CNKSR3: variants seen among roughly 807,000 people sequenced by gnomAD.
CNKSR3 encodes CNKSR family member 3, also known as connector enhancer of kinase suppressor of ras 3.
A neutral mutation model predicts 67.7 loss-of-function variants in CNKSR3; 36 were observed. The observed-to-expected ratio is 0.53, with a 90% CI of 0.41 to 0.70. The LOEUF is 0.70. Ranked by LOEUF, CNKSR3 falls within the 30% of genes least tolerant of loss-of-function variation. The pLI is 0.00. For synonymous variants in CNKSR3, 281 were observed against 271.4 expected (o/e 1.04, Z -0.35); for missense variants, 630 against 695.2 (o/e 0.91, Z 1.05).
At chr6:154,510,029 T>A (rs546459433) in intron 1 of CNKSR3, 34 bp downstream of exon 1, 1 of 1,613,026 alleles carries the variant, frequency 6.2e-7, no homozygotes, top group South Asian at 1.1e-5. Context: ...TCCCCGAGGC[T>A]GGAGGACTCC....
chr6:154,421,519 T>C (rs893600279), intron 9 of CNKSR3, among the ~76,000 whole-genome samples: 3 of 152,238 alleles, frequency 2.0e-5, no homozygotes, highest in African/African-American at 7.2e-5. Context: ...TCTTGCTTTA[T>C]GAAATAAGCA....
At chr6:154,473,259 G>C (rs892824150) in intron 1 of CNKSR3, among the ~76,000 whole-genome samples, 3 of 152,170 alleles carry the variant, frequency 2.0e-5, no homozygotes, top group Admixed American at 2.0e-4. Flanking sequence ...AGAAAATAAT[G>C]GACAAAGTTA....
intron 1 of CNKSR3, 54 bp downstream of exon 1, chr6:154,510,009 G>A (rs897991028): frequency 5.6e-6 from 9 of 1,596,214 alleles, no homozygotes; most frequent in Non-Finnish European, 7.7e-6. Context: ...CCAGCTCCTC[G>A]TCCGCCCCAT....
At chr6:154,426,584 T>C (rs770355161) in intron 7 of CNKSR3, among the ~76,000 whole-genome samples, 1 of 152,218 alleles carries the variant, frequency 6.6e-6, no homozygotes, top group South Asian at 2.1e-4. Flanking sequence ...CTCGATCTCC[T>C]GACCTTGTGA....
At chr6:154,491,947 A>AG (rs1786791192) in intron 1 of CNKSR3, among the ~76,000 whole-genome samples, 1 of 152,190 alleles carries the variant, frequency 6.6e-6, no homozygotes, top group Admixed American at 6.5e-5. Context: ...GCATTGAGGG[A>AG]GGTGCTTCAC....
intron 5 of CNKSR3, among the ~76,000 whole-genome samples, chr6:154,430,872 A>C (rs1584075736): frequency 6.6e-6 from 1 of 152,076 alleles, no homozygotes; most frequent in East Asian, 1.9e-4. Flanking sequence ...TCAGCAATGA[A>C]GTGGAATCAT....
At chr6:154,453,702 C>T (rs1349844351) in intron 1 of CNKSR3, among the ~76,000 whole-genome samples, 1 of 152,142 alleles carries the variant, frequency 6.6e-6, no homozygotes, top group African/African-American at 2.4e-5. Flanking sequence ...TACAATTAAA[C>T]ATTTATAAAC....
chr6:154,412,707 A>T (rs939732869), intron 10 of CNKSR3, among the ~76,000 whole-genome samples: 1 of 152,226 alleles, frequency 6.6e-6, no homozygotes, highest in African/African-American at 2.4e-5. Flanking sequence ...TCTGCACCCA[A>T]TGCAGAAGAA....
chr6:154,447,705 C>A (rs1363010280), intron 2 of CNKSR3, among the ~76,000 whole-genome samples: 1 of 152,296 alleles, frequency 6.6e-6, no homozygotes, highest in East Asian at 1.9e-4. Context: ...CTCCCCTCCC[C>A]CTTCCTTACT....
At chr6:154,413,057 C>T (rs908361725) in intron 10 of CNKSR3, among the ~76,000 whole-genome samples, 3 of 151,752 alleles carry the variant, frequency 2.0e-5, no homozygotes, top group Non-Finnish European at 4.4e-5. Flanking sequence ...TCATCCTGTA[C>T]ACTCTATATA....
chr6:154,496,334 G>T (rs1014853896), intron 1 of CNKSR3, among the ~76,000 whole-genome samples: 1 of 142,288 alleles, frequency 7.0e-6, no homozygotes, highest in Non-Finnish European at 1.6e-5. Flanking sequence ...GACTTGAGGG[G>T]TCACAACCCT....
intron 1 of CNKSR3, among the ~76,000 whole-genome samples, chr6:154,452,388 T>C (rs1265771774): frequency 6.6e-6 from 1 of 152,178 alleles, no homozygotes; most frequent in African/African-American, 2.4e-5. Flanking sequence ...TTACAGAATC[T>C]TAGAGACACT....
intron 9 of CNKSR3, among the ~76,000 whole-genome samples, chr6:154,419,303 T>C (rs1246378110): frequency 6.6e-6 from 1 of 152,158 alleles, no homozygotes; most frequent in African/African-American, 2.4e-5. Context: ...CCTTGGACTC[T>C]CAAAGCACTA....
In CNKSR3 at chr6:154,392,656, T is replaced by C. The variant is rs544955801; in HGVS notation, c.*13698A>G. The stretch of plus-strand genomic sequence containing the variant: ...CATCATCAGAGGTTGTGTTTGCAGC[T>C]AGGCAACACTGCAAACTAGCAGCAG... On this transcript the variant is annotated 3_prime_UTR_variant, in exon 13 of 13. Coordinates refer to ENST00000607772, the MANE Select transcript of CNKSR3 (RefSeq NM_173515.4). 58 of 152,382 alleles carry C rather than the reference T, an allele frequency of 3.8e-4. No homozygotes were observed. Among genetic ancestry groups the C allele is most frequent in the African/African-American group, 1.3e-3 (54 of 41,586 alleles). The allele number at this position is 152,382 out of a possible 1,614,324, so 9.4% of individuals were successfully genotyped here.
At position 154,388,536 on chromosome 6, in the gene CNKSR3, G is replaced by A. The variant is rs552479463; in HGVS notation, c.*17818C>T. The stretch of plus-strand genomic sequence containing the variant: ...TTTTTTGGATAAATATCCAGAAATA[G>A]GGTTGCTAGGTCACATGGCAGTTCT... On this transcript the variant is annotated 3_prime_UTR_variant, in exon 13 of 13. Coordinates refer to ENST00000607772, the MANE Select transcript of CNKSR3 (RefSeq NM_173515.4). The A allele has an allele frequency of 6.6e-6, 1 of 152,254 alleles. No homozygotes were observed. Among genetic ancestry groups the A allele is most frequent in the South Asian group, 2.1e-4 (1 of 4,824 alleles). 9.4% of individuals were successfully genotyped at this position (152,254 alleles called of 1,614,324 possible). A position where few individuals can be genotyped will look rare whatever the true frequency, so the allele number is the denominator to read the frequency against.
In CNKSR3 at chr6:154,392,393, G is replaced by C. The variant is rs1784617365; in HGVS notation, c.*13961C>G. On this transcript the variant is annotated 3_prime_UTR_variant, in exon 13 of 13. Transcript: ENST00000607772. ...ACCTTTTTTTGCCAACAGACATTGGGCTGTGTTCTACAAAGGCAGATGGCC... is the reference window on the plus strand; with the variant it reads ...ACCTTTTTTTGCCAACAGACATTGGCCTGTGTTCTACAAAGGCAGATGGCC... 6.6e-6 allele frequency: 1 copy of C among 152,192 alleles called. No individual in the cohort carries two copies. Among genetic ancestry groups the C allele is most frequent in the African/African-American group, 2.4e-5 (1 of 41,452 alleles). The allele number at this position is 152,192 out of a possible 1,614,324, so 9.4% of individuals were successfully genotyped here.
At chr6:154,447,226 T>C (rs1174720773) in intron 2 of CNKSR3, among the ~76,000 whole-genome samples, 4 of 152,178 alleles carry the variant, frequency 2.6e-5, no homozygotes, top group Non-Finnish European at 5.9e-5. Flanking sequence ...AAATGTTCTT[T>C]ATCTGTGCTG....
At chr6:154,445,075 T>G (rs1196141007) in intron 2 of CNKSR3, among the ~76,000 whole-genome samples, 1 of 152,124 alleles carries the variant, frequency 6.6e-6, no homozygotes, top group African/African-American at 2.4e-5. Context: ...AGGCTTTAAC[T>G]TTAACAAAAC....
chr6:154,460,722 T>C (rs1276307243), intron 1 of CNKSR3, among the ~76,000 whole-genome samples: 1 of 152,178 alleles, frequency 6.6e-6, no homozygotes, highest in Non-Finnish European at 1.5e-5. Context: ...GTAAATTCGA[T>C]TTGGTCTAAA....
Sources: allele counts gnomAD v4.1 joint callset (sites outside exome capture counted in the v4.1 genomes callset), GRCh38; gene constraint gnomAD v4.1.1; transcripts MANE v1.5; gene names NCBI Gene and HGNC (gene_info 2026-07-23, HGNC 2026-07-21).